KAZN: variants seen among roughly 807,000 people sequenced by gnomAD.
KAZN encodes the protein kazrin, periplakin interacting protein.
KAZN carries 40 observed loss-of-function variants against 87.4 expected under a neutral mutation model. The ratio of observed to expected loss-of-function variants is 0.46; its 90% CI spans 0.36 to 0.60. The LOEUF is 0.60. Ranked by LOEUF, KAZN falls within the 20% of genes least tolerant of loss-of-function variation. The pLI is 0.00. For missense variants in KAZN, 898 were observed against 1,073.9 expected (o/e 0.84, Z 2.29); for synonymous variants, 466 against 458.3 (o/e 1.02, Z -0.22).
chr1:14,657,211 G>T (rs1638858404), intron 1 of KAZN, among the ~76,000 whole-genome samples: 1 of 151,474 alleles, frequency 6.6e-6, no homozygotes, highest in Admixed American at 6.6e-5. Context: ...GGCTCCCCGA[G>T]TAGCTGGGAT....
intron 2 of KAZN, among the ~76,000 whole-genome samples, chr1:14,353,024 A>C (rs77090575): frequency 6.6e-6 from 1 of 152,206 alleles, no homozygotes; most frequent in Non-Finnish European, 1.5e-5. Flanking sequence ...GATTTCCTCA[A>C]TCTGTTAAAG....
At chr1:15,011,947 C>G (rs919678589) in intron 2 of KAZN, among the ~76,000 whole-genome samples, 1 of 152,100 alleles carries the variant, frequency 6.6e-6, no homozygotes, top group African/African-American at 2.4e-5. Context: ...TTGCTCCTCC[C>G]AGCACCTTCA....
intron 1 of KAZN, among the ~76,000 whole-genome samples, chr1:13,930,267 T>A (rs1640456758): frequency 6.6e-6 from 1 of 152,212 alleles, no homozygotes; most frequent in Admixed American, 6.5e-5. Context: ...TTCTGCTACC[T>A]GTTATGAAAA....
intron 2 of KAZN, among the ~76,000 whole-genome samples, chr1:14,243,010 G>C (rs1649116826): frequency 6.6e-6 from 1 of 152,164 alleles, no homozygotes; most frequent in Non-Finnish European, 1.5e-5. Context: ...AGTGAGAGCA[G>C]CATGTGACCA....
intron 1 of KAZN, among the ~76,000 whole-genome samples, chr1:14,728,289 T>TAAAAAAAACAAAAAAAA (rs1643511510): frequency 3.4e-5 from 1 of 29,846 alleles, no homozygotes; most frequent in African/African-American, 1.3e-4. Context: ...ACCGTATATA[T>TAAAAAAAACAAAAAAAA]AAAAAAAAAA....
At position 14,773,825 on chromosome 1, in the gene KAZN, T is replaced by C. The variant is rs1487775117; in HGVS notation, c.226+174602T>C. Among the ~76,000 whole-genome samples, 1 of 151,958 alleles carries C rather than the reference T, an allele frequency of 6.6e-6. No individual in the cohort carries two copies. The highest frequency in any genetic ancestry group is 1.5e-5 in the Non-Finnish European group (1 of 67,988). ...AGGTCCCAGCCCAGGCCAGGCCTGCTCTCCTCCCCTCCCCTCCAAAGAAAA... is the reference window on the plus strand; with the variant it reads ...AGGTCCCAGCCCAGGCCAGGCCTGCCCTCCTCCCCTCCCCTCCAAAGAAAA... On this transcript the variant is annotated intron_variant, in intron 1 of 14. Transcript: ENST00000376030. This position sits in a 1 kb window ranked among gnomAD's most constrained non-coding sequence, Gnocchi z 5.9.
intron 1 of KAZN, among the ~76,000 whole-genome samples, chr1:14,683,601 T>C (rs1402281512): frequency 1.3e-5 from 2 of 152,222 alleles, no homozygotes; most frequent in Non-Finnish European, 2.9e-5. Context: ...GCGTGTCACT[T>C]ATTCACGACC....
At chr1:15,065,597 C>T (rs1338877869) in intron 7 of KAZN, 33 bp from the exon 8 acceptor site, 2 of 1,567,932 alleles carry the variant, frequency 1.3e-6, no homozygotes, top group African/African-American at 2.7e-5. Context: ...TTCTTCTCCC[C>T]CACCCTCTTC....
intron 1 of KAZN, among the ~76,000 whole-genome samples, chr1:14,638,321 C>A (rs2148670633): frequency 1.3e-5 from 2 of 152,246 alleles, no homozygotes; most frequent in African/African-American, 4.8e-5. Flanking sequence ...GTAATCCCAG[C>A]ACTTTGGGAG....
intron 1 of KAZN, among the ~76,000 whole-genome samples, chr1:14,651,646 G>T (rs986197559): frequency 2.0e-5 from 3 of 152,188 alleles, no homozygotes; most frequent in Admixed American, 6.5e-5. Flanking sequence ...TTGTTGAAAA[G>T]AACAACATTT....
chr1:14,796,822 G>C (rs927720639), intron 1 of KAZN, among the ~76,000 whole-genome samples: 4 of 152,216 alleles, frequency 2.6e-5, no homozygotes, highest in Non-Finnish European at 5.9e-5. Context: ...AAAGAGTCTC[G>C]AACAGATGGC....
At chr1:13,907,048 CAG>C (rs1379994847) in intron 1 of KAZN, among the ~76,000 whole-genome samples, 1 of 152,184 alleles carries the variant, frequency 6.6e-6, no homozygotes, top group African/African-American at 2.4e-5. Context: ...TCTATTAGCT[CAG>C]AGAAAAGAAA....
chr1:14,124,733 G>T (rs1644826055), intron 1 of KAZN, among the ~76,000 whole-genome samples: 1 of 152,200 alleles, frequency 6.6e-6, no homozygotes, highest in Non-Finnish European at 1.5e-5. Flanking sequence ...TGCCTCTGAG[G>T]CCCGCCCTCT....
At chr1:14,031,123 G>T (rs1263151647) in intron 1 of KAZN, among the ~76,000 whole-genome samples, 4 of 152,152 alleles carry the variant, frequency 2.6e-5, no homozygotes, top group African/African-American at 9.7e-5. Flanking sequence ...ACTAATATTT[G>T]GAGATTTGAC....
At chr1:14,908,875 TGTG>T (rs1360503463) in intron 1 of KAZN, among the ~76,000 whole-genome samples, 1 of 150,978 alleles carries the variant, frequency 6.6e-6, no homozygotes, top group African/African-American at 2.4e-5. Flanking sequence ...ATTAGCCAGG[TGTG>T]GTGGCAGGCG....
At chr1:14,668,901 T>C (rs1235567463) in intron 1 of KAZN, among the ~76,000 whole-genome samples, 3 of 152,182 alleles carry the variant, frequency 2.0e-5, no homozygotes, top group Admixed American at 2.0e-4. Flanking sequence ...AAAAGGAGTT[T>C]GCGTTTGGAA....
At chr1:14,591,405 C>T (rs1676191728) in intron 2 of KAZN, among the ~76,000 whole-genome samples, 2 of 142,618 alleles carry the variant, frequency 1.4e-5, no homozygotes, top group Admixed American at 7.2e-5. Context: ...AGGCCCCGAA[C>T]AGGGAAAGAA....
At chr1:15,000,108 T>C (rs946819456) in intron 2 of KAZN, among the ~76,000 whole-genome samples, 2 of 152,040 alleles carry the variant, frequency 1.3e-5, no homozygotes, top group Admixed American at 6.6e-5. Context: ...GGGGTACTTA[T>C]AGAGGAAGGT....
chr1:14,243,529 G>C (rs1649175583), intron 2 of KAZN, among the ~76,000 whole-genome samples: 1 of 152,146 alleles, frequency 6.6e-6, no homozygotes, highest in Non-Finnish European at 1.5e-5. Context: ...CTTCACATGA[G>C]TATCTGGGTG....
Sources: gnomAD v4.1 joint callset for allele counts (sites outside exome capture counted in the v4.1 genomes callset) on GRCh38, gnomAD v4.1.1 for gene constraint, Gnocchi (gnomAD v3.1) non-coding constraint, MANE v1.5 for transcripts, NCBI Gene and HGNC (gene_info 2026-07-23, HGNC 2026-07-21) for gene names.